The following PROX1 variants were observed in gnomAD, a reference collection of about 807,000 sequenced individuals.
PROX1 encodes prospero homeobox protein 1.
A neutral mutation model predicts 58.8 loss-of-function variants in PROX1; 7 were observed. The ratio of observed to expected loss-of-function variants is 0.12; its 90% CI spans 0.07 to 0.22. The LOEUF is 0.22. PROX1 is among the 10% of genes least tolerant of loss of function. The probability of loss-of-function intolerance (pLI) is 1.00; values close to 1 mark genes in which losing one functional copy is unlikely to be tolerated. For missense variants in PROX1, 675 were observed against 927.8 expected (o/e 0.73, Z 3.54); for synonymous variants, 350 against 358.3 (o/e 0.98, Z 0.26).
At chr1:213,994,750 AATATATATATATATATATATATATATAT>A (rs66460564) in intron 1 of PROX1, among the ~76,000 whole-genome samples, 8,903 of 88,440 alleles carry the variant, frequency 0.1, 986 homozygotes, top group East Asian at 0.25. Context: ...CAAGCATGCA[AATATATATATATATATATATATATATAT>A]ATATATATAT....
At chr1:214,025,358 G>A (rs990198530) in intron 4 of PROX1, among the ~76,000 whole-genome samples, 2 of 152,236 alleles carry the variant, frequency 1.3e-5, no homozygotes, top group Admixed American at 1.3e-4. Context: ...TAGGCCTCTA[G>A]AAAAGCTGTT....
upstream of PROX1, chr1:213,984,070 G>A (rs1324254305): frequency 1.3e-5 from 2 of 152,212 alleles, no homozygotes; most frequent in Non-Finnish European, 2.9e-5. Context: ...GCCAGGGTTG[G>A]CGGCGAAGAG....
chr1:214,021,185 A>G (rs879930392), intron 4 of PROX1, among the ~76,000 whole-genome samples: 16 of 152,218 alleles, frequency 1.1e-4, no homozygotes, highest in Admixed American at 2.0e-4. Flanking sequence ...GTTGCCCACC[A>G]TTATGGTTTT....
chr1:213,991,507 A>G (rs1035122458), intron 1 of PROX1, among the ~76,000 whole-genome samples: 2 of 151,974 alleles, frequency 1.3e-5, no homozygotes, highest in Admixed American at 6.6e-5. Flanking sequence ...GCCTATGTTC[A>G]TTTGCTTTAT....
intron 1 of PROX1, among the ~76,000 whole-genome samples, chr1:213,991,945 CT>C: frequency 6.6e-6 from 1 of 152,256 alleles, no homozygotes; most frequent in Non-Finnish European, 1.5e-5. Context: ...ACCTGTGTAA[CT>C]TGGAAAGGAA....
chr1:213,987,653 G>A (rs1435637474), upstream of PROX1: 8 of 145,524 alleles, frequency 5.5e-5, no homozygotes, highest in African/African-American at 2.0e-4. Flanking sequence ...GCCCGCAGAT[G>A]GCTCGCTCCG....
At chr1:213,998,497 C>T (rs748392134) in intron 2 of PROX1, among the ~76,000 whole-genome samples, 4 of 152,104 alleles carry the variant, frequency 2.6e-5, no homozygotes, top group Non-Finnish European at 2.9e-5. Flanking sequence ...CCTTGAGGAG[C>T]TCCTATTTAA....
intron 1 of PROX1, among the ~76,000 whole-genome samples, chr1:213,994,768 T>TAA (rs1296467180): frequency 3.9e-4 from 11 of 27,982 alleles, no homozygotes; most frequent in South Asian, 9.9e-4. Flanking sequence ...TATATATATA[T>TAA]ATATATATAT....
chr1:214,029,280 C>T (rs1052146271), intron 4 of PROX1: 5 of 152,174 alleles, frequency 3.3e-5, no homozygotes, highest in African/African-American at 1.2e-4. Context: ...AAAGACACTT[C>T]GAAGTCATCT....
chr1:213,996,320 T>G (rs1355586547), intron 1 of PROX1, 149 bp from the exon 2 acceptor site: 1 of 497,920 alleles, frequency 2.0e-6, no homozygotes, highest in Non-Finnish European at 3.5e-6. Flanking sequence ...ATGTTTCATT[T>G]CAAGCAGAGT....
At chr1:214,007,331 A>G (rs568778720) in intron 3 of PROX1, among the ~76,000 whole-genome samples, 166 of 152,338 alleles carry the variant, frequency 1.1e-3, no homozygotes, top group African/African-American at 3.8e-3. Flanking sequence ...AGTATATGTG[A>G]GTCTGGTTAC....
chr1:214,016,000 C>A (rs1462171534), intron 4 of PROX1, among the ~76,000 whole-genome samples: 1 of 152,166 alleles, frequency 6.6e-6, no homozygotes, highest in Non-Finnish European at 1.5e-5. Flanking sequence ...GAATAGGGAA[C>A]TTGATTCACT....
At chr1:213,990,814 CT>C (rs1424222448) in intron 1 of PROX1, among the ~76,000 whole-genome samples, 2 of 152,012 alleles carry the variant, frequency 1.3e-5, no homozygotes, top group Non-Finnish European at 2.9e-5. Context: ...TTTAAGCATG[CT>C]TTCTCCTTGC....
rs547044265 is a variant in PROX1, at chr1:214,006,405, C to A, written c.1833+1133C>A. On this transcript the variant is annotated intron_variant, in intron 3 of 4. Coordinates refer to ENST00000366958, the MANE Select transcript of PROX1 (RefSeq NM_001270616.2). ...TGTTTGCTTTTGAATTGTGTATCAA[C>A]TTCAGCCTTTTATCTTTCTCCTTCC... 2.0e-5 allele frequency among the ~76,000 whole-genome samples: 3 copies of A among 152,306 alleles called. No homozygotes were observed. In the East Asian group the frequency reaches 5.8e-4, roughly 29 times the overall value.
At position 214,036,454 on chromosome 1, in the gene PROX1, G is replaced by C. The variant is rs527425448; in HGVS notation, c.*620G>C. ...ATAATCACTCTCAAGCCTTGTCTAA[G>C]AAAAGAGGCAAACTCTGAAAGTCGT... On this transcript the variant is annotated 3_prime_UTR_variant, in exon 5 of 5. Transcript: ENST00000366958. 6.6e-6 allele frequency: 1 copy of C among 152,168 alleles called. No individual in the cohort carries two copies. Among genetic ancestry groups the C allele is most frequent in the Non-Finnish European group, 1.5e-5 (1 of 68,026 alleles). The allele number at this position is 152,168 out of a possible 1,614,324, so 9.4% of individuals were successfully genotyped here.
At chr1:213,985,591 G>A (rs762001257), upstream of PROX1, 2 of 152,274 alleles carry the variant, frequency 1.3e-5, no homozygotes, top group Non-Finnish European at 2.9e-5. Flanking sequence ...GGGTGGGAGA[G>A]CTTCCTTGTT....
chr1:214,002,254 T>C (rs991506637), intron 2 of PROX1, among the ~76,000 whole-genome samples: 1 of 152,174 alleles, frequency 6.6e-6, no homozygotes, highest in African/African-American at 2.4e-5. Flanking sequence ...TAAGGTTATA[T>C]TGTACTTGGT....
intron 4 of PROX1, among the ~76,000 whole-genome samples, chr1:214,022,010 G>T (rs1005030435): frequency 6.6e-6 from 1 of 152,156 alleles, no homozygotes; most frequent in Non-Finnish European, 1.5e-5. Flanking sequence ...TTATTCTCAG[G>T]CAGGCAATGA....
At chr1:214,000,628 C>T (rs1663471972) in intron 2 of PROX1, among the ~76,000 whole-genome samples, 1 of 152,108 alleles carries the variant, frequency 6.6e-6, no homozygotes, top group Admixed American at 6.6e-5. Flanking sequence ...ATTCTTTTCC[C>T]CCCTCTACTA....
Sources: gnomAD v4.1 joint callset for allele counts (sites outside exome capture counted in the v4.1 genomes callset) on GRCh38, gnomAD v4.1.1 for gene constraint, MANE v1.5 for transcripts, NCBI Gene and HGNC (gene_info 2026-07-23, HGNC 2026-07-21) for gene names.